AKR1B15: variants seen among roughly 807,000 people sequenced by gnomAD.
AKR1B15 encodes the protein estradiol 17-beta-dehydrogenase AKR1B15.
A neutral mutation model predicts 38.5 loss-of-function variants in AKR1B15; 49 were observed. The ratio of observed to expected loss-of-function variants is 1.27; its 90% confidence interval spans 1.01 to 1.62. The LOEUF is 1.62. Ranked by LOEUF, AKR1B15 falls within the 40% of genes most tolerant of loss-of-function variation. The pLI is 0.00. For missense variants in AKR1B15, 411 were observed against 381.6 expected, an observed-to-expected ratio of 1.08 and a Z score of -0.64; for synonymous variants, 137 against 135.5, an observed-to-expected ratio of 1.01 and a Z score of -0.08.
chr7:134,573,836 T>A (rs1369074298), intron 6 of AKR1B15, among the ~76,000 whole-genome samples: 2 of 152,194 alleles, frequency 1.3e-5, no homozygotes, highest in African/African-American at 2.4e-5. Context: ...AAAATCCCAA[T>A]GTCTAGGCTA....
At chr7:134,552,232 A>C (rs1223056537) in intron 1 of AKR1B15, among the ~76,000 whole-genome samples, 1 of 151,628 alleles carries the variant, frequency 6.6e-6, no homozygotes, top group Non-Finnish European at 1.5e-5. Flanking sequence ...GGCCCAACAA[A>C]CTCACCTCAT....
intron 4 of AKR1B15, 60 bp downstream of exon 4, chr7:134,568,385 C>T (rs532701768): frequency 8.3e-5 from 132 of 1,594,814 alleles, no homozygotes; most frequent in African/African-American, 1.9e-4. Context: ...GTATCTGGAT[C>T]GGGTGGGCAG....
chr7:134,565,556 C>G lies in AKR1B15; in HGVS notation c.150+787C>G, dbSNP rs181649359. 433 of 1,613,586 alleles carry G rather than the reference C, an allele frequency of 2.7e-4. No homozygotes were observed. The African/African-American group carries it at 5.4e-3, about 20-fold the overall frequency. On this transcript the variant is annotated intron_variant, in intron 3 of 11. Coordinates refer to ENST00000457545, the MANE Select transcript of AKR1B15 (RefSeq NM_001080538.3). ...CCTGGGCACTTGGAGGGTAAATATG[C>G]AAATCTTTGCACAACTTTCTTCTCT...
chr7:134,574,524 T>C (rs988519605), intron 6 of AKR1B15, among the ~76,000 whole-genome samples: 3 of 152,210 alleles, frequency 2.0e-5, no homozygotes, highest in Non-Finnish European at 4.4e-5. Context: ...AGTGTCATGA[T>C]TGATGGCTCC....
chr7:134,560,494 A>G (rs1794352990), intron 2 of AKR1B15, among the ~76,000 whole-genome samples: 1 of 152,186 alleles, frequency 6.6e-6, no homozygotes, highest in Non-Finnish European at 1.5e-5. Flanking sequence ...TGTAATAACC[A>G]GTTGGGTTGT....
At chr7:134,557,822 G>A (rs1794254214) in intron 2 of AKR1B15, among the ~76,000 whole-genome samples, 1 of 152,194 alleles carries the variant, frequency 6.6e-6, no homozygotes, top group East Asian at 1.9e-4. Flanking sequence ...GCCGTCTCTC[G>A]GTTGCTGGCA....
At chr7:134,560,919 T>C (rs778833500) in intron 2 of AKR1B15, among the ~76,000 whole-genome samples, 2 of 152,226 alleles carry the variant, frequency 1.3e-5, no homozygotes, top group African/African-American at 4.8e-5. Flanking sequence ...GGCTAATTAA[T>C]TCAAAGAAAT....
At chr7:134,554,236 A>C in intron 1 of AKR1B15, among the ~76,000 whole-genome samples, 1 of 152,078 alleles carries the variant, frequency 6.6e-6, no homozygotes, top group East Asian at 1.9e-4. Context: ...CAAAGAGCAG[A>C]CTCTGCAGCT....
At position 134,577,570 on chromosome 7, in the gene AKR1B15, G is replaced by C. The variant is rs1794792206; in HGVS notation, c.910-134G>C. On this transcript the variant is annotated intron_variant, in intron 10 of 11. Coordinates refer to ENST00000457545, the MANE Select transcript of AKR1B15 (RefSeq NM_001080538.3). ...TTTAGAGAAAAATTTGTATCCCTTG[G>C]ACAGAATGGGAAAAACTCCTATGGC... The C allele has an allele frequency of 4.0e-6, 4 of 994,656 alleles. 1 individual carries two copies. In the South Asian group the frequency reaches 4.7e-5, roughly 12 times the overall value. The allele number at this position is 994,656 out of a possible 1,614,324, so 61.6% of individuals were successfully genotyped here. A position where few individuals can be genotyped will look rare whatever the true frequency, so the allele number is the denominator to read the frequency against.
At chr7:134,561,211 T>C (rs1484134008) in intron 2 of AKR1B15, among the ~76,000 whole-genome samples, 1 of 152,096 alleles carries the variant, frequency 6.6e-6, no homozygotes, top group Non-Finnish European at 1.5e-5. Flanking sequence ...GAGGCATGCA[T>C]GTATTTATTT....
chr7:134,569,305 G>A, intron 4 of AKR1B15, 108 bp from the exon 5 acceptor site: 1 of 1,289,160 alleles, frequency 7.8e-7, no homozygotes, highest in Non-Finnish European at 1.1e-6. Context: ...TGTTATAGAT[G>A]GCCTGAGCCA....
chr7:134,558,630 A>T (rs1348729231), intron 2 of AKR1B15, among the ~76,000 whole-genome samples: 8 of 152,184 alleles, frequency 5.3e-5, no homozygotes, highest in Non-Finnish European at 1.2e-4. Context: ...ATTGCCATGG[A>T]CTAAATATAC....
intron 3 of AKR1B15, among the ~76,000 whole-genome samples, 155 bp from the exon 4 acceptor site, chr7:134,568,003 A>G (rs886704012): frequency 6.6e-6 from 1 of 152,110 alleles, no homozygotes; most frequent in African/African-American, 2.4e-5. Flanking sequence ...GGATAAGAGA[A>G]TATGGTGGTT....
chr7:134,571,465 C>T, intron 5 of AKR1B15, 139 bp from the exon 6 acceptor site: 2 of 704,478 alleles, frequency 2.8e-6, no homozygotes, highest in Non-Finnish European at 5.1e-6. Context: ...AACTCACATT[C>T]TTGTAGTATG....
rs763742509 is a variant in AKR1B15, at chr7:134,568,344, G to A, written c.318+19G>A. ...CAGCAAGGTGCACATGGCGCATTTG[G>A]TGGGAGGCCTTCACTTCAAGGCAGG... On this transcript the variant is annotated intron_variant, in intron 4 of 11. Transcript: ENST00000457545. 1 of 1,612,668 alleles carries A rather than the reference G, an allele frequency of 6.2e-7. No individual in the cohort carries two copies. Among genetic ancestry groups the A allele is most frequent in the African/African-American group, 1.3e-5 (1 of 75,040 alleles).
chr7:134,572,298 A>C (rs79769537), intron 6 of AKR1B15, among the ~76,000 whole-genome samples: 5,174 of 152,264 alleles, frequency 0.034, 110 homozygotes, highest in Middle Eastern at 0.088. Context: ...TCTGAATTGC[A>C]AGTCCAACCA....
At chr7:134,566,398 T>C (rs750193258) in intron 3 of AKR1B15, among the ~76,000 whole-genome samples, 56 of 152,286 alleles carry the variant, frequency 3.7e-4, no homozygotes, top group Non-Finnish European at 6.9e-4. Flanking sequence ...CCTGTACACA[T>C]TGAAATCTGC....
chr7:134,575,041 G>A (rs190391315), intron 6 of AKR1B15, among the ~76,000 whole-genome samples: 5 of 152,038 alleles, frequency 3.3e-5, no homozygotes, highest in Admixed American at 6.6e-5. Context: ...GCTATCATTT[G>A]GATTCATTAA....
intron 4 of AKR1B15, 105 bp from the exon 5 acceptor site, chr7:134,569,308 C>A: frequency 7.3e-7 from 1 of 1,360,888 alleles, no homozygotes; most frequent in African/African-American, 1.5e-5. Context: ...TATAGATGGC[C>A]TGAGCCAGGT....
Sources: allele counts gnomAD v4.1 joint callset (sites outside exome capture counted in the v4.1 genomes callset), GRCh38; gene constraint gnomAD v4.1.1; transcripts MANE v1.5; gene names NCBI Gene and HGNC (gene_info 2026-07-23, HGNC 2026-07-21).